Variants in CLNK observed in about 807,000 individuals in gnomAD.
The protein encoded by CLNK is cytokine-dependent hematopoietic cell linker.
In CLNK, 74 loss-of-function variants were observed where a neutral mutation model predicts 68.6. That is an observed-to-expected ratio of 1.08 (90% CI 0.89 to 1.31). CLNK has a LOEUF of 1.31. Among genes scored for constraint, CLNK ranks in the 50% most tolerant of loss-of-function variants. The pLI, the probability that CLNK is intolerant of heterozygous loss-of-function variation, is 0.00. For missense variants in CLNK, 553 were observed against 515.3 expected (o/e 1.07, Z -0.71); for synonymous variants, 198 against 172.2 (o/e 1.15, Z -1.17).
intron 2 of CLNK, among the ~76,000 whole-genome samples, chr4:10,625,280 C>G (rs1722623097): frequency 6.6e-6 from 1 of 152,216 alleles, no homozygotes; most frequent in African/African-American, 2.4e-5. Flanking sequence ...CTGTCCGCCA[C>G]TCTGCAGAGG....
the CLNK span, among the ~76,000 whole-genome samples, chr4:10,722,788 G>A: frequency 2.6e-5 from 4 of 152,166 alleles, no homozygotes; most frequent in South Asian, 8.3e-4. Flanking sequence ...GGTGGCTCAC[G>A]CCTGTTATTC....
intron 2 of CLNK, among the ~76,000 whole-genome samples, chr4:10,650,266 C>T (rs927561634): frequency 3.3e-5 from 5 of 151,984 alleles, no homozygotes; most frequent in Non-Finnish European, 7.4e-5. Context: ...AAGGCTAAAA[C>T]GTGACGGTCT....
intron 2 of CLNK, among the ~76,000 whole-genome samples, chr4:10,658,554 C>A (rs1233401802): frequency 1.3e-5 from 2 of 152,210 alleles, no homozygotes; most frequent in Admixed American, 6.5e-5. Flanking sequence ...CAGACTGGAT[C>A]CCTGGTTCTC....
At chr4:10,522,029 C>T (rs1471106071) in intron 14 of CLNK, among the ~76,000 whole-genome samples, 2 of 151,932 alleles carry the variant, frequency 1.3e-5, no homozygotes, top group East Asian at 3.9e-4. Flanking sequence ...GAGGCTGAGG[C>T]AGGCGGATCA....
chr4:10,666,944 C>T (rs1724421610), intron 2 of CLNK, among the ~76,000 whole-genome samples: 1 of 152,216 alleles, frequency 6.6e-6, no homozygotes, highest in Non-Finnish European at 1.5e-5. Context: ...CAGAGCCCTC[C>T]AGCCAGTGCC....
chr4:10,637,583 C>CTTTTTT (rs1158317670), intron 2 of CLNK, among the ~76,000 whole-genome samples: 5 of 71,416 alleles, frequency 7.0e-5, no homozygotes, highest in Non-Finnish European at 1.2e-4. Flanking sequence ...CACCATTCCT[C>CTTTTTT]TTTTTTTTTT....
intron 3 of CLNK, among the ~76,000 whole-genome samples, chr4:10,593,584 G>T (rs1236875977): frequency 6.6e-6 from 1 of 152,182 alleles, no homozygotes; most frequent in Non-Finnish European, 1.5e-5. Context: ...AACCTGAGAG[G>T]CGGAGGTTGC....
chr4:10,633,006 C>A (rs1310512188), intron 2 of CLNK, among the ~76,000 whole-genome samples: 1 of 152,228 alleles, frequency 6.6e-6, no homozygotes, highest in Admixed American at 6.5e-5. Context: ...GGCGTGATCT[C>A]AGCTCACTAC....
At chr4:10,575,739 G>A (rs1258291138) in intron 4 of CLNK, among the ~76,000 whole-genome samples, 1 of 152,240 alleles carries the variant, frequency 6.6e-6, no homozygotes, top group Non-Finnish European at 1.5e-5. Flanking sequence ...CAAGGCCCAT[G>A]GGGATGATGG....
At chr4:10,498,967 A>T (rs1716921658) in intron 18 of CLNK, among the ~76,000 whole-genome samples, 1 of 135,542 alleles carries the variant, frequency 7.4e-6, no homozygotes, top group African/African-American at 2.8e-5. Flanking sequence ...AATTCATTGT[A>T]CCCCCCCCCC....
At chr4:10,493,770 G>C (rs1397712053) in intron 18 of CLNK, among the ~76,000 whole-genome samples, 1 of 152,200 alleles carries the variant, frequency 6.6e-6, no homozygotes, top group African/African-American at 2.4e-5. Context: ...CAGAGGGCCT[G>C]TGGAGCCTAA....
intron 2 of CLNK, among the ~76,000 whole-genome samples, chr4:10,609,824 G>C (rs1721938875): frequency 6.6e-6 from 1 of 152,044 alleles, no homozygotes; most frequent in Non-Finnish European, 1.5e-5. Flanking sequence ...TATATCATCT[G>C]CTTGAACCTG....
chr4:10,511,611 C>T (rs1717586317), intron 16 of CLNK, among the ~76,000 whole-genome samples: 1 of 152,182 alleles, frequency 6.6e-6, no homozygotes, highest in African/African-American at 2.4e-5. Flanking sequence ...TTCCTGGAAT[C>T]ATATATTTGT....
intron 4 of CLNK, among the ~76,000 whole-genome samples, chr4:10,580,513 A>G (rs1304723760): frequency 6.6e-6 from 1 of 152,196 alleles, no homozygotes; most frequent in East Asian, 1.9e-4. Context: ...ATTGCCCCTG[A>G]AGACCTTCTA....
At chr4:10,725,100 G>T in the CLNK span, among the ~76,000 whole-genome samples, 570 of 152,248 alleles carry the variant, frequency 3.7e-3, 6 homozygotes, top group African/African-American at 0.013. Flanking sequence ...GAGGGCCCAG[G>T]AGACTAGAAA....
intron 3 of CLNK, among the ~76,000 whole-genome samples, chr4:10,587,191 C>G (rs1021419544): frequency 1.3e-5 from 2 of 152,166 alleles, no homozygotes; most frequent in African/African-American, 2.4e-5. Flanking sequence ...GTCTCAAACT[C>G]CTGACCTCAG....
chr4:10,700,864 A>G, the CLNK span, among the ~76,000 whole-genome samples: 4 of 152,212 alleles, frequency 2.6e-5, no homozygotes, highest in East Asian at 1.9e-4. Context: ...ATATATATGT[A>G]CATCTTATAC....
chr4:10,486,515 A>G lies in CLNK; in HGVS notation c.*3952T>C, dbSNP rs1354536902. ...AAAAAGATATACAAATATAATGCTA[A>G]TATACAATATAGGCTATCATAAAAA... On this transcript the variant is annotated 3_prime_UTR_variant, in exon 19 of 19. Transcript: ENST00000226951. The G allele has an allele frequency of 1.3e-5, 2 of 151,784 alleles. No individual in the cohort carries two copies. The highest frequency in any genetic ancestry group is 6.5e-5 in the Admixed American group (1 of 15,270). 9.4% of individuals were successfully genotyped at this position (151,784 alleles called of 1,614,324 possible).
At chr4:10,687,132 T>C (rs992710980), upstream of CLNK, among the ~76,000 whole-genome samples, 1 of 152,022 alleles carries the variant, frequency 6.6e-6, no homozygotes, top group African/African-American at 2.4e-5. Flanking sequence ...CATGTATTGA[T>C]TTAACAAATA....
Sources: gnomAD v4.1 joint callset for allele counts (sites outside exome capture counted in the v4.1 genomes callset) on GRCh38, gnomAD v4.1.1 for gene constraint, MANE v1.5 for transcripts, NCBI Gene and HGNC (gene_info 2026-07-23, HGNC 2026-07-21) for gene names.